Variants in LDLRAD4 observed in about 807,000 individuals in gnomAD.
LDLRAD4 encodes low-density lipoprotein receptor class A domain-containing protein 4.
LDLRAD4 carries 5 observed loss-of-function variants against 17.0 expected under a neutral mutation model. That is an observed-to-expected ratio of 0.29 (90% CI 0.15 to 0.62). The LOEUF is 0.62. Ranked by LOEUF, LDLRAD4 falls within the 20% of genes least tolerant of loss-of-function variation. LDLRAD4 has a pLI of 0.84. For missense variants in LDLRAD4, 340 were observed against 424.7 expected, an observed-to-expected ratio of 0.80 and a Z score of 1.75; for synonymous variants, 168 against 171.8, an observed-to-expected ratio of 0.98 and a Z score of 0.17.
intron 2 of LDLRAD4, among the ~76,000 whole-genome samples, chr18:13,433,442 A>G (rs1288314242): frequency 6.6e-6 from 1 of 152,224 alleles, no homozygotes; most frequent in African/African-American, 2.4e-5. Context: ...GTAATGCTGT[A>G]TATAGGTCCT....
chr18:13,402,106 G>A (rs529208955), intron 2 of LDLRAD4, among the ~76,000 whole-genome samples: 4 of 152,308 alleles, frequency 2.6e-5, no homozygotes, highest in African/African-American at 9.6e-5. Flanking sequence ...TGATATTTCA[G>A]CATTAAATAC....
chr18:13,429,355 A>G (rs752650425), intron 2 of LDLRAD4, among the ~76,000 whole-genome samples: 3 of 152,248 alleles, frequency 2.0e-5, no homozygotes, highest in Non-Finnish European at 2.9e-5. Flanking sequence ...CTGTGGGAGC[A>G]GAGAAATGGG....
At chr18:13,606,732 C>T (rs1024125066) in intron 3 of LDLRAD4, among the ~76,000 whole-genome samples, 5 of 152,170 alleles carry the variant, frequency 3.3e-5, no homozygotes, top group African/African-American at 1.2e-4. Flanking sequence ...GCATAACAAA[C>T]TGACTTAAAA....
chr18:13,531,670 T>C (rs899259668), intron 3 of LDLRAD4, among the ~76,000 whole-genome samples: 7 of 147,242 alleles, frequency 4.8e-5, no homozygotes, highest in African/African-American at 1.8e-4. Flanking sequence ...TGGTCTGAGG[T>C]AGGAGGAAGG....
intron 3 of LDLRAD4, among the ~76,000 whole-genome samples, chr18:13,546,387 C>A (rs1427748936): frequency 7.7e-6 from 1 of 129,452 alleles, no homozygotes; most frequent in Non-Finnish European, 1.6e-5. Flanking sequence ...TCTTGCTTGC[C>A]TGACAGAGTC....
At chr18:13,372,479 T>C (rs1250376363) in intron 1 of LDLRAD4, among the ~76,000 whole-genome samples, 1 of 152,184 alleles carries the variant, frequency 6.6e-6, no homozygotes, top group Non-Finnish European at 1.5e-5. Context: ...ACAAGATGAA[T>C]GCAAGAAAAA....
At chr18:13,623,358 T>C in intron 4 of LDLRAD4, among the ~76,000 whole-genome samples, 1 of 152,240 alleles carries the variant, frequency 6.6e-6, no homozygotes, top group East Asian at 1.9e-4. Flanking sequence ...CACATCCCTG[T>C]CTGGGCCTCG....
Position 13,543,780 on chromosome 18 carries a change from GC to G in LDLRAD4, c.182-77334del, listed in dbSNP as rs149240039. Among the ~76,000 whole-genome samples, 322 of 152,270 alleles carry G rather than the reference GC, an allele frequency of 2.1e-3. 3 individuals carry two copies. The highest frequency in any genetic ancestry group is 7.4e-3 in the African/African-American group (307 of 41,550). Reference sequence around the variant, plus strand: ...AGATTCTGCCCTTTATCTCCTCTGTGCCCTTGGGAAAGTCAGTGAAACTTTC... The same window carrying G: ...AGATTCTGCCCTTTATCTCCTCTGTGCCTTGGGAAAGTCAGTGAAACTTTC... On this transcript the variant is annotated intron_variant, in intron 3 of 5. Transcript: ENST00000359446.
rs1229707805 is a variant in LDLRAD4, at chr18:13,613,834, G to A, written c.182-7283G>A. 2.0e-5 allele frequency: 3 copies of A among 152,240 alleles called. No individual in the cohort carries two copies. The East Asian group carries it at 5.8e-4, about 29-fold the overall frequency. The allele number at this position is 152,240 out of a possible 1,614,324, so 9.4% of individuals were successfully genotyped here. A position where few individuals can be genotyped will look rare whatever the true frequency, so the allele number is the denominator to read the frequency against. On this transcript the variant is annotated intron_variant, in intron 3 of 5. Coordinates refer to ENST00000359446, the Ensembl canonical transcript of LDLRAD4. ...GCCGGTATCAGGTAGCCGCGCCTGG[G>A]TCACACCTGCCCTCCACGTTCATCT...
intron 3 of LDLRAD4, among the ~76,000 whole-genome samples, chr18:13,453,754 C>G (rs1047108674): frequency 6.6e-6 from 1 of 152,206 alleles, no homozygotes; most frequent in Non-Finnish European, 1.5e-5. Flanking sequence ...GCAGGGCGCC[C>G]GGTGCTCCAC....
intron 3 of LDLRAD4, among the ~76,000 whole-genome samples, chr18:13,478,460 TG>T (rs1225901359): frequency 2.0e-5 from 3 of 152,232 alleles, no homozygotes; most frequent in African/African-American, 7.2e-5. Flanking sequence ...AATCCTTGCT[TG>T]GCTTCACATT....
intron 1 of LDLRAD4, among the ~76,000 whole-genome samples, chr18:13,226,029 T>A (rs1032235989): frequency 6.6e-6 from 1 of 151,998 alleles, no homozygotes; most frequent in African/African-American, 2.4e-5. Flanking sequence ...CTTGATAATT[T>A]AAAAAAATGG....
intron 3 of LDLRAD4, among the ~76,000 whole-genome samples, chr18:13,574,821 G>A (rs1420082787): frequency 6.6e-6 from 1 of 152,232 alleles, no homozygotes; most frequent in Admixed American, 6.5e-5. Context: ...CCAAGCTGTA[G>A]CCAAAAGGAA....
chr18:13,645,913 G>T lies in LDLRAD4; in HGVS notation c.*256G>T. ...GGGTTGGGATGGGGGTGTGGGCAGG[G>T]GAAAACAGAGAACGGGATGCTTTGA... On this transcript the variant is annotated 3_prime_UTR_variant, in exon 6 of 6. Transcript: ENST00000359446. The surrounding 1 kb of genome is among the most constrained non-coding windows in gnomAD (Gnocchi z 5.7). The T allele has an allele frequency of 2.8e-6, 1 of 354,564 alleles. No individual in the cohort carries two copies. The highest frequency in any genetic ancestry group is 5.0e-6 in the Non-Finnish European group (1 of 199,324). 22.0% of individuals were successfully genotyped at this position (354,564 alleles called of 1,614,324 possible). A position where few individuals can be genotyped will look rare whatever the true frequency, so the allele number is the denominator to read the frequency against.
chr18:13,332,890 T>A lies in LDLRAD4; in HGVS notation c.-382-54451T>A, dbSNP rs117904932. Among the ~76,000 whole-genome samples, 1,153 of 152,328 alleles carry A rather than the reference T, an allele frequency of 7.6e-3. 7 individuals are homozygous for A. Among genetic ancestry groups the A allele is most frequent in the Non-Finnish European group, 0.013 (858 of 68,030 alleles). ...GCTATAAGTGTCCGTAAGTAGGTTTTTGCATGGTTGTAAGTTTTTAACTTT... is the reference window on the plus strand; with the variant it reads ...GCTATAAGTGTCCGTAAGTAGGTTTATGCATGGTTGTAAGTTTTTAACTTT... On this transcript the variant is annotated intron_variant, in intron 1 of 5. Transcript: ENST00000359446.
At chr18:13,651,712 G>A (rs879702410) in exon 6 of LDLRAD4, 1 of 152,174 alleles carries the variant, frequency 6.6e-6, no homozygotes, top group African/African-American at 2.4e-5. Context: ...CCTTTCGAGT[G>A]TTGTCCATAA....
At position 13,629,301 on chromosome 18, in the gene LDLRAD4, G is replaced by C. The variant is rs192340844; in HGVS notation, c.336+8030G>C. Among the ~76,000 whole-genome samples the C allele has an allele frequency of 2.4e-4, 37 of 152,280 alleles. No individual in the cohort carries two copies. In the East Asian group the frequency reaches 6.2e-3, roughly 25 times the overall value. The stretch of plus-strand genomic sequence containing the variant: ...TAGAGTTAAGTCTTGTTCATTATAT[G>C]GGTGATCAAACCAAATGATACAATT... On this transcript the variant is annotated intron_variant, in intron 4 of 5. Coordinates refer to ENST00000359446, the Ensembl canonical transcript of LDLRAD4.
At chr18:13,609,545 G>GTA in intron 3 of LDLRAD4, among the ~76,000 whole-genome samples, 1 of 152,214 alleles carries the variant, frequency 6.6e-6, no homozygotes, top group African/African-American at 2.4e-5. Flanking sequence ...GTGTGTGTGT[G>GTA]TGTGTGTGTG....
chr18:13,332,753 T>G (rs899481020), intron 1 of LDLRAD4, among the ~76,000 whole-genome samples: 2 of 152,048 alleles, frequency 1.3e-5, no homozygotes, highest in African/African-American at 4.8e-5. Context: ...TGTTTTTTTT[T>G]TTTGGTGGTG....
Sources: gnomAD v4.1 joint callset for allele counts (sites outside exome capture counted in the v4.1 genomes callset) on GRCh38, gnomAD v4.1.1 for gene constraint, Gnocchi (gnomAD v3.1) non-coding constraint, MANE v1.5 for transcripts, NCBI Gene and HGNC (gene_info 2026-07-23, HGNC 2026-07-21) for gene names.